Variants in C14orf180 observed in about 807,000 individuals in gnomAD.
The protein encoded by C14orf180 is nutritionally-regulated adipose and cardiac enriched protein homolog.
In C14orf180, 13 loss-of-function variants were observed where a neutral mutation model predicts 13.9. The observed-to-expected ratio is 0.94, with a 90% CI of 0.61 to 1.49. The LOEUF (loss-of-function observed/expected upper bound fraction) is 1.49. Ranked by LOEUF, C14orf180 falls within the 40% of genes most tolerant of loss-of-function variation. C14orf180 has a pLI of 0.00. For missense variants in C14orf180, 238 were observed against 232.0 expected, an observed-to-expected ratio of 1.03 and a Z score of -0.17; for synonymous variants, 113 against 106.3, an observed-to-expected ratio of 1.06 and a Z score of -0.39.
chr14:104,586,646 A>T, intron 2 of C14orf180, 105 bp downstream of exon 2: 2 of 261,986 alleles, frequency 7.6e-6, no homozygotes, highest in Non-Finnish European at 1.3e-5. Flanking sequence ...CACCCCAGGA[A>T]TCAGGGGGTG....
Position 104,588,979 on chromosome 14 carries a change from C to T in C14orf180, c.*196C>T. On this transcript the variant is annotated 3_prime_UTR_variant, in exon 5 of 5. Transcript: ENST00000557649. ...TGGGGGGCACAGCAGGCGGCCCCGC[C>T]ACACTAGTCAGCACAGCCCTCCTGT... The T allele has an allele frequency of 8.5e-7, 1 of 1,179,316 alleles. No individual in the cohort carries two copies. Among genetic ancestry groups the T allele is most frequent in the Non-Finnish European group, 1.2e-6 (1 of 868,808 alleles). 73.1% of individuals were successfully genotyped at this position (1,179,316 alleles called of 1,614,324 possible).
At chr14:104,586,309 G>A (rs1460353073) in intron 1 of C14orf180, 106 bp from the exon 2 acceptor site, 43 of 743,880 alleles carry the variant, frequency 5.8e-5, no homozygotes, top group Non-Finnish European at 6.6e-5. Context: ...CGCAAGCCCG[G>A]GAAGCCAGCC....
chr14:104,580,594 A>C (rs568125158), intron 1 of C14orf180, among the ~76,000 whole-genome samples: 2 of 152,346 alleles, frequency 1.3e-5, no homozygotes, highest in East Asian at 3.9e-4. Context: ...CCAGCCTAGC[A>C]GGAATGGATT....
intron 1 of C14orf180, chr14:104,581,152 G>A (rs1886418872): frequency 6.6e-6 from 1 of 152,298 alleles, no homozygotes; most frequent in African/African-American, 2.4e-5. Flanking sequence ...TTCCAGTGGT[G>A]AGCGTTGGGC....
intron 1 of C14orf180, among the ~76,000 whole-genome samples, chr14:104,580,398 C>T (rs963501536): frequency 6.6e-6 from 1 of 152,180 alleles, no homozygotes; most frequent in Admixed American, 6.5e-5. Context: ...AACTTAGCAG[C>T]GGGGGTGCTC....
intron 1 of C14orf180, 103 bp from the exon 2 acceptor site, chr14:104,586,312 A>G (rs1418894428): frequency 1.3e-6 from 1 of 748,578 alleles, no homozygotes; most frequent in East Asian, 3.3e-5. Flanking sequence ...AAGCCCGGGA[A>G]GCCAGCCTGG....
At chr14:104,583,983 CCA>C (rs761594923) in intron 1 of C14orf180, among the ~76,000 whole-genome samples, 1 of 152,138 alleles carries the variant, frequency 6.6e-6, no homozygotes, top group Non-Finnish European at 1.5e-5. Context: ...ACACACGTGC[CCA>C]CTCTCACACT....
chr14:104,581,630 G>C, intron 1 of C14orf180: 1 of 151,164 alleles, frequency 6.6e-6, no homozygotes, highest in African/African-American at 2.5e-5. Flanking sequence ...GCCCAGGTGG[G>C]CAGGGGCAGA....
At chr14:104,584,915 T>C (rs1193730040) in intron 1 of C14orf180, among the ~76,000 whole-genome samples, 1 of 152,228 alleles carries the variant, frequency 6.6e-6, no homozygotes, top group African/African-American at 2.4e-5. Flanking sequence ...TGTTATCTCC[T>C]GTAGAGGACG....
In C14orf180 at chr14:104,589,418, G is replaced by A. The variant is rs576336894; in HGVS notation, c.*635G>A. 7.4e-4 allele frequency: 114 copies of A among 153,108 alleles called. No homozygotes were observed. Among genetic ancestry groups the A allele is most frequent in the Non-Finnish European group, 1.1e-3 (78 of 68,362 alleles). 9.5% of individuals were successfully genotyped at this position (153,108 alleles called of 1,614,324 possible). On this transcript the variant is annotated 3_prime_UTR_variant, in exon 5 of 5. Transcript: ENST00000557649. This position sits in a 1 kb window ranked among gnomAD's most constrained non-coding sequence, Gnocchi z 4.9. ...GGCGGCTTCAGGTGTAGAAGCCGAG[G>A]GGACAGCAAGGGGCCCAGACACCCC...
rs372194778 is a variant in C14orf180, at chr14:104,586,398, G to A, written c.-16-17G>A. The A allele has an allele frequency of 1.0e-5, 14 of 1,385,402 alleles. No individual in the cohort carries two copies. The highest frequency in any genetic ancestry group is 4.5e-5 in the African/African-American group (3 of 67,188). The allele number at this position is 1,385,402 out of a possible 1,614,324, so 85.8% of individuals were successfully genotyped here. ...ACTTGTGCAGTAAATAATAAATAACGTCTCTGCTTATCTTAGGACCATGTT... is the reference window on the plus strand; with the variant it reads ...ACTTGTGCAGTAAATAATAAATAACATCTCTGCTTATCTTAGGACCATGTT... On this transcript the variant is annotated splice_polypyrimidine_tract_variant and intron_variant, in intron 1 of 4. Coordinates refer to ENST00000557649, the MANE Select transcript of C14orf180 (RefSeq NM_001008404.3).
At chr14:104,580,383 C>G (rs983468052) in intron 1 of C14orf180, among the ~76,000 whole-genome samples, 2 of 152,238 alleles carry the variant, frequency 1.3e-5, no homozygotes, top group African/African-American at 4.8e-5. Context: ...AACACGGCCA[C>G]TTCAAACTTA....
chr14:104,581,496 C>A (rs1886429856), intron 1 of C14orf180: 1 of 152,220 alleles, frequency 6.6e-6, no homozygotes, highest in Admixed American at 6.5e-5. Context: ...GTAATGGAAA[C>A]TTCTCAGCTG....
chr14:104,580,784 A>G (rs1213562082), intron 1 of C14orf180, among the ~76,000 whole-genome samples: 1 of 152,210 alleles, frequency 6.6e-6, no homozygotes, highest in Non-Finnish European at 1.5e-5. Flanking sequence ...TGCCCTGGAC[A>G]GTTGGCAAAC....
intron 2 of C14orf180, 137 bp from the exon 3 acceptor site, chr14:104,587,611 GA>G (rs1886672253): frequency 1.1e-6 from 1 of 871,236 alleles, no homozygotes; most frequent in Admixed American, 2.9e-5. Flanking sequence ...TACAGGAAGT[GA>G]CAGGCCCAGC....
chr14:104,586,035 C>A (rs1393758161), intron 1 of C14orf180, among the ~76,000 whole-genome samples: 1 of 152,246 alleles, frequency 6.6e-6, no homozygotes, highest in Non-Finnish European at 1.5e-5. Context: ...ATGTTTCTTG[C>A]AGCCTTATCC....
Position 104,590,376 on chromosome 14 carries a change from C to T in C14orf180, c.*1593C>T, listed in dbSNP as rs1202286766. On this transcript the variant is annotated 3_prime_UTR_variant, in exon 5 of 5. Transcript: ENST00000557649. Reference sequence around the variant, plus strand: ...GGCTCAGCCCTGTGTGCTTGGGACACCCCTCCAGCCCCGGTTCTGACGGGG... The same window carrying T: ...GGCTCAGCCCTGTGTGCTTGGGACATCCCTCCAGCCCCGGTTCTGACGGGG... The T allele has an allele frequency of 6.6e-6, 1 of 152,248 alleles. No homozygotes were observed. The highest frequency in any genetic ancestry group is 2.4e-5 in the African/African-American group (1 of 41,448). 9.4% of individuals were successfully genotyped at this position (152,248 alleles called of 1,614,324 possible). A position where few individuals can be genotyped will look rare whatever the true frequency, so the allele number is the denominator to read the frequency against.
intron 3 of C14orf180, among the ~76,000 whole-genome samples, 157 bp downstream of exon 3, chr14:104,588,035 C>T (rs184171404): frequency 1.3e-5 from 2 of 152,174 alleles, no homozygotes; most frequent in Non-Finnish European, 2.9e-5. Context: ...AGACCTGGGC[C>T]CCTGGGGTCA....
Position 104,588,763 on chromosome 14 carries a change from C to T in C14orf180, c.463C>T (p.Arg155Cys), listed in dbSNP as rs1164778704. Reference protein sequence around the residue: ...HLRHVALTCWRGLLRL With the variant: ...HLRHVALTCWCGLLRL ...GCGGCACGTGGCCCTCACCTGCTGG[C>T]GCGGCCTCCTGCGGCTCTGACGGGC... is the stretch of plus-strand genomic sequence containing the variant. The change falls in exon 5 of 5, where the codon CGC (arginine) becomes TGC (cysteine). Residue 155 changes from arginine to cysteine, a missense_variant. Arg to Cys is a radical substitution (Grantham distance 180). Transcript: ENST00000557649. 1.6e-5 allele frequency: 25 copies of T among 1,530,954 alleles called. No individual in the cohort carries two copies. Among genetic ancestry groups the T allele is most frequent in the Non-Finnish European group, 2.1e-5 (24 of 1,145,848 alleles). 94.8% of individuals were successfully genotyped at this position (1,530,954 alleles called of 1,614,324 possible). A position where few individuals can be genotyped will look rare whatever the true frequency, so the allele number is the denominator to read the frequency against.
Sources: gnomAD v4.1 joint callset for allele counts (sites outside exome capture counted in the v4.1 genomes callset) on GRCh38, gnomAD v4.1.1 for gene constraint, Gnocchi (gnomAD v3.1) non-coding constraint, MANE v1.5 for transcripts, NCBI Gene and HGNC (gene_info 2026-07-23, HGNC 2026-07-21) for gene names.